Variants in UNC13D observed in about 807,000 individuals in gnomAD.
UNC13D encodes the protein unc-13 homolog D, also known as protein unc-13 homolog D.
Under a neutral mutation model 151.7 loss-of-function variants are expected in UNC13D, and 115 were observed. The ratio of observed to expected loss-of-function variants is 0.76; its 90% CI spans 0.65 to 0.88. The LOEUF (loss-of-function observed/expected upper bound fraction) is 0.88, where lower values mean the gene tolerates loss of function less well. Among genes scored for constraint, UNC13D ranks in the 40% least tolerant of loss-of-function variants. UNC13D has a pLI of 0.00. For missense variants in UNC13D, 1,369 were observed against 1,438.7 expected (o/e 0.95, Z 0.78); for synonymous variants, 588 against 612.2 (o/e 0.96, Z 0.58).
Position 75,840,225 on chromosome 17 carries a change from C to T in UNC13D, c.858G>A (p.Arg286=). The change falls in exon 10 of 32, where the codon CGG becomes CGA. Residue 286 remains arginine, a splice_region_variant and synonymous_variant. Transcript: ENST00000207549. This position sits in a 1 kb window ranked among gnomAD's most constrained non-coding sequence, Gnocchi z 4.6. ...CHLQFQLIHK[R]RATSASRSQP... ...GCCACTGGCCCAGTACCCGACCTACCCGCTTATGGATGAGTTGGAACTGGA... is the reference window on the plus strand; with the variant it reads ...GCCACTGGCCCAGTACCCGACCTACTCGCTTATGGATGAGTTGGAACTGGA... The T allele has an allele frequency of 6.2e-7, 1 of 1,613,944 alleles. No homozygotes were observed. The highest frequency in any genetic ancestry group is 8.5e-7 in the Non-Finnish European group (1 of 1,180,014).
At chr17:75,836,153 C>T (rs780687590) in intron 16 of UNC13D, 44 bp from the exon 17 acceptor site, 1 of 1,611,928 alleles carries the variant, frequency 6.2e-7, no homozygotes, top group South Asian at 1.1e-5. Context: ...CAGAGGCAGG[C>T]ACCACCCCCC....
Position 75,827,438 on chromosome 17 carries a change from G to A in UNC13D, c.*527C>T, listed in dbSNP as rs995164877. The A allele has an allele frequency of 4.8e-5, 68 of 1,425,296 alleles. No individual in the cohort carries two copies. Among genetic ancestry groups the A allele is most frequent in the African/African-American group, 5.8e-5 (4 of 69,516 alleles). 88.3% of individuals were successfully genotyped at this position (1,425,296 alleles called of 1,614,324 possible). A position where few individuals can be genotyped will look rare whatever the true frequency, so the allele number is the denominator to read the frequency against. Reference sequence around the variant, plus strand: ...CTCCAGGCTTCCTGGCCTGGATGCTGGCAGCCCCTGGGGAGAGGACCCAGG... The same window carrying A: ...CTCCAGGCTTCCTGGCCTGGATGCTAGCAGCCCCTGGGGAGAGGACCCAGG... On this transcript the variant is annotated 3_prime_UTR_variant, in exon 32 of 32. Coordinates refer to ENST00000207549, the MANE Select transcript of UNC13D (RefSeq NM_199242.3).
At chr17:75,838,969 TGGCGCCTGTAGTCCCAGCTACTC>T (rs2064928756) in intron 12 of UNC13D, among the ~76,000 whole-genome samples, 1 of 151,822 alleles carries the variant, frequency 6.6e-6, no homozygotes, top group Non-Finnish European at 1.5e-5. Flanking sequence ...GCGCGGTGGC[TGGCGCCTGTAGTCCCAGCTACTC>T]GGGAGGCTGA....
In UNC13D at chr17:75,833,122, G is replaced by A. The variant is rs1299689598; in HGVS notation, c.2368-77C>T. 3.5e-6 allele frequency: 5 copies of A among 1,445,514 alleles called. No individual in the cohort carries two copies. The highest frequency in any genetic ancestry group is 1.4e-5 in the African/African-American group (1 of 71,532). The allele number at this position is 1,445,514 out of a possible 1,614,324, so 89.5% of individuals were successfully genotyped here. ...CCCCATCCCCTTCCCCTGACCTGGAGGGAGGAAACAGGGCTGGGAACCGTT... is the reference window on the plus strand; with the variant it reads ...CCCCATCCCCTTCCCCTGACCTGGAAGGAGGAAACAGGGCTGGGAACCGTT... On this transcript the variant is annotated intron_variant, in intron 24 of 31. Coordinates refer to ENST00000207549, the MANE Select transcript of UNC13D (RefSeq NM_199242.3). This position sits in a 1 kb window ranked among gnomAD's most constrained non-coding sequence, Gnocchi z 4.0.
At chr17:75,834,573 G>A in intron 22 of UNC13D, 42 bp from the exon 23 acceptor site, 1 of 1,612,074 alleles carries the variant, frequency 6.2e-7, no homozygotes, top group Non-Finnish European at 8.5e-7. Context: ...TGCCCAGGCT[G>A]GTCCCCACAC....
intron 27 of UNC13D, 86 bp from the exon 28 acceptor site, chr17:75,830,747 G>A: frequency 6.9e-7 from 1 of 1,458,768 alleles, no homozygotes; most frequent in South Asian, 1.2e-5. Context: ...ACTGTCAAGG[G>A]TAACATGTCC....
At position 75,834,463 on chromosome 17, in the gene UNC13D, T is replaced by A. The variant is rs951593554; in HGVS notation, c.2160A>T (p.Ala720=). 9 of 1,564,838 alleles carry A rather than the reference T, an allele frequency of 5.8e-6. No individual in the cohort carries two copies. The highest frequency in any genetic ancestry group is 6.0e-6 in the Non-Finnish European group (7 of 1,157,892). ...LVIGKLPAQL[A]WEALEQRVGA... Reference sequence around the variant, plus strand: ...CTACCCGCTGCTCCAGGGCCTCCCATGCCAGCTGGGCGGGCAACTTGCCGA... The same window carrying A: ...CTACCCGCTGCTCCAGGGCCTCCCAAGCCAGCTGGGCGGGCAACTTGCCGA... Residue 720 remains alanine (A), a synonymous_variant, in exon 23 of 32, where the codon GCA becomes GCT. Transcript: ENST00000207549.
chr17:75,839,099 C>CAA (rs201312544), intron 12 of UNC13D, among the ~76,000 whole-genome samples: 9 of 144,602 alleles, frequency 6.2e-5, no homozygotes, highest in South Asian at 2.2e-4. Context: ...GACTCTGTCT[C>CAA]AAAAAAAAAA....
chr17:75,828,770 C>T lies in UNC13D; in HGVS notation c.3151+17G>A. 6.6e-7 allele frequency: 1 copy of T among 1,523,992 alleles called. No homozygotes were observed. Among genetic ancestry groups the T allele is most frequent in the Non-Finnish European group, 8.8e-7 (1 of 1,134,266 alleles). The allele number at this position is 1,523,992 out of a possible 1,614,324, so 94.4% of individuals were successfully genotyped here. A position where few individuals can be genotyped will look rare whatever the true frequency, so the allele number is the denominator to read the frequency against. ...GGCTCCCGTCCCCGCACCACCCTGCCCTGGGCTCAGGCCTACCGTTGGGTG... is the reference window on the plus strand; with the variant it reads ...GGCTCCCGTCCCCGCACCACCCTGCTCTGGGCTCAGGCCTACCGTTGGGTG... On this transcript the variant is annotated intron_variant, in intron 31 of 31. Transcript: ENST00000207549.
intron 15 of UNC13D, 41 bp downstream of exon 15, chr17:75,836,298 C>T (rs1438605986): frequency 6.2e-7 from 1 of 1,613,284 alleles, no homozygotes; most frequent in Non-Finnish European, 8.5e-7. Flanking sequence ...ACTGCCAGGC[C>T]CAGGCGCTGG....
chr17:75,831,412 G>A, intron 25 of UNC13D, 64 bp from the exon 26 acceptor site: 2 of 1,481,744 alleles, frequency 1.3e-6, no homozygotes, highest in South Asian at 2.3e-5. Flanking sequence ...AGGAAGCAAA[G>A]ACGCTCTTGA....
chr17:75,840,609 A>G lies in UNC13D; in HGVS notation c.684-33T>C. ...AGGCAGGGTCCCATAAGGGGGACGC[A>G]GCAAGGGTCGGAAGGGATTAGGCTG... On this transcript the variant is annotated intron_variant, in intron 8 of 31. Transcript: ENST00000207549. This position sits in a 1 kb window ranked among gnomAD's most constrained non-coding sequence, Gnocchi z 4.6. 1 of 1,613,876 alleles carries G rather than the reference A, an allele frequency of 6.2e-7. No homozygotes were observed. The highest frequency in any genetic ancestry group is 8.5e-7 in the Non-Finnish European group (1 of 1,179,944).
intron 31 of UNC13D, among the ~76,000 whole-genome samples, 184 bp downstream of exon 31, chr17:75,828,603 C>CA (rs2062139985): frequency 6.6e-6 from 1 of 152,234 alleles, no homozygotes; most frequent in Admixed American, 6.5e-5. Context: ...CAAGGAGAGT[C>CA]ACGTTACACT....
At chr17:75,841,688 T>C (rs2064950455) in intron 6 of UNC13D, among the ~76,000 whole-genome samples, 1 of 146,518 alleles carries the variant, frequency 6.8e-6, no homozygotes, top group East Asian at 2.1e-4. Context: ...GTGATCCACC[T>C]GCCTCGGCCT....
Position 75,840,191 on chromosome 17 carries a change from C to G in UNC13D, c.858+34G>C, listed in dbSNP as rs375452120. On this transcript the variant is annotated intron_variant, in intron 10 of 31. Transcript: ENST00000207549. The surrounding 1 kb of genome is among the most constrained non-coding windows in gnomAD (Gnocchi z 4.6). ...GCAACCCAGCAGACCGCCGCAAGAG[C>G]TGGGCATGGCCACTGGCCCAGTACC... 549 of 1,613,130 alleles carry G rather than the reference C, an allele frequency of 3.4e-4. 1 individual carries two copies. The highest frequency in any genetic ancestry group is 4.4e-4 in the Non-Finnish European group (517 of 1,179,596).
In UNC13D at chr17:75,843,937, G is replaced by A. The variant is rs1356448103; in HGVS notation, c.117+284C>T. The stretch of plus-strand genomic sequence containing the variant: ...GGGACACCCCCACCTAATGGAGTCG[G>A]CTCTTCTGAAGCTGGAGGAGTAGGG... On this transcript the variant is annotated intron_variant, in intron 1 of 31. Transcript: ENST00000207549. The A allele has an allele frequency of 3.3e-5, 46 of 1,387,244 alleles. No individual in the cohort carries two copies. In the Middle Eastern group the frequency reaches 8.1e-4, roughly 25 times the overall value. 85.9% of individuals were successfully genotyped at this position (1,387,244 alleles called of 1,614,324 possible).
rs1209773054 is a variant in UNC13D, at chr17:75,835,040, G to T, written c.1872C>A (p.Thr624=). Residue 624 remains threonine, a synonymous_variant, in exon 21 of 32, where the codon ACC becomes ACA. Coordinates refer to ENST00000207549, the MANE Select transcript of UNC13D (RefSeq NM_199242.3). ...MDELVPLGEL[T]KHSTSAVDLS... ...GATCCACCGCTGATGTGCTGTGCTTGGTCAGTTCACCCAGGGGCACCAGCT... is the reference window on the plus strand; with the variant it reads ...GATCCACCGCTGATGTGCTGTGCTTTGTCAGTTCACCCAGGGGCACCAGCT... 1 of 1,613,826 alleles carries T rather than the reference G, an allele frequency of 6.2e-7. No individual in the cohort carries two copies. Among genetic ancestry groups the T allele is most frequent in the African/African-American group, 1.3e-5 (1 of 74,900 alleles).
rs554199897 is a variant in UNC13D, at chr17:75,828,174, A to G, written c.3152-88T>C. ...AGAAGAGTGTGTGGGGGGGTACACA[A>G]CACTGCTCCATCTCCCCAACAACCT... On this transcript the variant is annotated intron_variant, in intron 31 of 31. Transcript: ENST00000207549. 200 of 1,490,592 alleles carry G rather than the reference A, an allele frequency of 1.3e-4. No individual in the cohort carries two copies. The African/African-American group carries it at 2.6e-3, about 19-fold the overall frequency. 92.3% of individuals were successfully genotyped at this position (1,490,592 alleles called of 1,614,324 possible). A position where few individuals can be genotyped will look rare whatever the true frequency, so the allele number is the denominator to read the frequency against.
rs1246513092 is a variant in UNC13D, at chr17:75,830,491, G to A, written c.2710-9C>T. ...TCAGAGGTGGTTTCTGCCTGGGGTG[G>A]GGAGCAGGGGCAGGGTCAGCAGGGT... is the stretch of plus-strand genomic sequence containing the variant. On this transcript the variant is annotated splice_polypyrimidine_tract_variant and intron_variant, in intron 28 of 31. Transcript: ENST00000207549. 1 of 1,591,604 alleles carries A rather than the reference G, an allele frequency of 6.3e-7. No individual in the cohort carries two copies. Among genetic ancestry groups the A allele is most frequent in the Non-Finnish European group, 8.6e-7 (1 of 1,169,392 alleles).
Sources: allele counts gnomAD v4.1 joint callset (sites outside exome capture counted in the v4.1 genomes callset), GRCh38; gene constraint gnomAD v4.1.1; non-coding constraint Gnocchi (gnomAD v3.1); transcripts MANE v1.5; gene names NCBI Gene and HGNC (gene_info 2026-07-23, HGNC 2026-07-21).